PPP1R21: variants seen among roughly 807,000 people sequenced by gnomAD.
PPP1R21 encodes protein phosphatase 1 regulatory subunit 21, also known as KLRAQ motif containing 1.
PPP1R21 carries 85 observed loss-of-function variants against 112.8 expected under a neutral mutation model. The ratio of observed to expected loss-of-function variants is 0.75; its 90% CI spans 0.63 to 0.90. The LOEUF (loss-of-function observed/expected upper bound fraction) is 0.90, where lower values mean the gene tolerates loss of function less well. Among genes scored for constraint, PPP1R21 ranks in the 40% least tolerant of loss-of-function variants. PPP1R21 has a pLI of 0.00. For synonymous variants in PPP1R21, 381 were observed against 322.3 expected (o/e 1.18, Z -1.95); for missense variants, 1,199 against 901.5 (o/e 1.33, Z -4.23).
At chr2:48,508,365 G>C (rs764916392) in intron 19 of PPP1R21, among the ~76,000 whole-genome samples, 4 of 152,132 alleles carry the variant, frequency 2.6e-5, no homozygotes, top group African/African-American at 4.8e-5. Flanking sequence ...CTGACTTTTT[G>C]ATTTTCTCTT....
At position 48,489,055 on chromosome 2, in the gene PPP1R21, T is replaced by C. The variant is rs372735924; in HGVS notation, c.1447-1963T>C. Among the ~76,000 whole-genome samples, 14 of 152,316 alleles carry C rather than the reference T, an allele frequency of 9.2e-5. No individual in the cohort carries two copies. The East Asian group carries it at 2.1e-3, about 23-fold the overall frequency. ...TAGAATTTCATTTGATATAGTAAAA[T>C]ATCAGTGAAAAATATAACCTTTCAG... is the stretch of plus-strand genomic sequence containing the variant. On this transcript the variant is annotated intron_variant, in intron 14 of 21. Coordinates refer to ENST00000294952, the MANE Select transcript of PPP1R21 (RefSeq NM_001135629.3).
chr2:48,453,163 A>G (rs1473081553), intron 2 of PPP1R21, among the ~76,000 whole-genome samples: 1 of 152,124 alleles, frequency 6.6e-6, no homozygotes, highest in Non-Finnish European at 1.5e-5. Context: ...CATGTTGGCC[A>G]GGCCAGTTTC....
At chr2:48,465,257 A>T (rs180682406) in intron 8 of PPP1R21, among the ~76,000 whole-genome samples, 14 of 152,240 alleles carry the variant, frequency 9.2e-5, no homozygotes, top group African/African-American at 3.4e-4. Context: ...TTTTTTGTGG[A>T]TTGGTAGACC....
chr2:48,465,579 A>G lies in PPP1R21; in HGVS notation c.834A>G (p.Glu278=), dbSNP rs763021092. 1.2e-6 allele frequency: 2 copies of G among 1,613,998 alleles called. No individual in the cohort carries two copies. The highest frequency in any genetic ancestry group is 2.2e-5 in the East Asian group (1 of 44,868). ...TTCTAAACTTTCATACCTACACAGAACAGAGGATTCAAATTTTTCCTGTTG... is the reference window on the plus strand; with the variant it reads ...TTCTAAACTTTCATACCTACACAGAGCAGAGGATTCAAATTTTTCCTGTTG... ...TALLNFHTYT[E]QRIQIFPVDS... Residue 278 remains glutamate (E), a synonymous_variant, in exon 9 of 22, where the codon GAA becomes GAG. Coordinates refer to ENST00000294952, the MANE Select transcript of PPP1R21 (RefSeq NM_001135629.3).
At chr2:48,448,510 C>T (rs1291434038) in intron 1 of PPP1R21, among the ~76,000 whole-genome samples, 2 of 152,026 alleles carry the variant, frequency 1.3e-5, no homozygotes, top group South Asian at 2.1e-4. Context: ...TTGAAGTAGT[C>T]GTTAGGAGCT....
intron 7 of PPP1R21, among the ~76,000 whole-genome samples, chr2:48,464,380 A>G (rs1226111185): frequency 6.6e-6 from 1 of 151,910 alleles, no homozygotes; most frequent in Admixed American, 6.6e-5. Flanking sequence ...ATTAAGGAGG[A>G]GTTTGAGGAG....
intron 14 of PPP1R21, among the ~76,000 whole-genome samples, chr2:48,489,321 G>C (rs1165977424): frequency 6.7e-6 from 1 of 150,086 alleles, no homozygotes; most frequent in Non-Finnish European, 1.5e-5. Flanking sequence ...TGGGCAACAT[G>C]GCAAGACCTC....
At chr2:48,500,992 C>A (rs1330553499) in intron 17 of PPP1R21, among the ~76,000 whole-genome samples, 2 of 152,134 alleles carry the variant, frequency 1.3e-5, no homozygotes, top group East Asian at 3.8e-4. Context: ...GTCATGGTGA[C>A]CTTGAATGGT....
At chr2:48,492,552 T>C (rs1164172341) in intron 15 of PPP1R21, among the ~76,000 whole-genome samples, 1 of 152,244 alleles carries the variant, frequency 6.6e-6, no homozygotes, top group Non-Finnish European at 1.5e-5. Flanking sequence ...AATTCTACTT[T>C]TTTACTGTTA....
intron 21 of PPP1R21, 27 bp from the exon 22 acceptor site, chr2:48,514,688 T>G (rs756170093): frequency 1.3e-6 from 2 of 1,490,082 alleles, no homozygotes; most frequent in South Asian, 2.3e-5. Context: ...GTTTATGTTC[T>G]TATTGTTGAT....
intron 11 of PPP1R21, among the ~76,000 whole-genome samples, chr2:48,472,154 C>T (rs191722887): frequency 1.9e-3 from 251 of 134,910 alleles, no homozygotes; most frequent in South Asian, 4.6e-3. Context: ...GCAGGAGAAT[C>T]GCTCGAACCT....
intron 9 of PPP1R21, among the ~76,000 whole-genome samples, chr2:48,468,524 A>G (rs1215575723): frequency 1.3e-5 from 2 of 152,182 alleles, no homozygotes; most frequent in East Asian, 3.8e-4. Flanking sequence ...ATTAAAAAAT[A>G]TTTTCTGACC....
chr2:48,474,240 G>T (rs749067913), intron 11 of PPP1R21, among the ~76,000 whole-genome samples: 1 of 152,042 alleles, frequency 6.6e-6, no homozygotes, highest in East Asian at 1.9e-4. Flanking sequence ...AAAATTAGCC[G>T]GGCGTGGTGG....
At chr2:48,445,538 G>C (rs1405913553) in intron 1 of PPP1R21, among the ~76,000 whole-genome samples, 1 of 152,122 alleles carries the variant, frequency 6.6e-6, no homozygotes, top group Non-Finnish European at 1.5e-5. Context: ...CTGAGATTCT[G>C]CCTCCAGGTA....
intron 16 of PPP1R21, 51 bp downstream of exon 16, chr2:48,495,822 TC>T (rs754596432): frequency 9.4e-7 from 1 of 1,062,766 alleles, no homozygotes; most frequent in Non-Finnish European, 1.5e-6. Flanking sequence ...AAATGTTAAA[TC>T]CCCCATAGAA....
At chr2:48,482,932 C>G (rs1669090650) in intron 13 of PPP1R21, among the ~76,000 whole-genome samples, 1 of 152,090 alleles carries the variant, frequency 6.6e-6, no homozygotes, top group African/African-American at 2.4e-5. Flanking sequence ...GCTATCCCTC[C>G]TCCCATCCCC....
chr2:48,505,069 T>A (rs1184533435), intron 17 of PPP1R21, among the ~76,000 whole-genome samples: 2 of 152,230 alleles, frequency 1.3e-5, no homozygotes, highest in Non-Finnish European at 2.9e-5. Flanking sequence ...TTTCATTAAT[T>A]TAAATCTGAA....
At chr2:48,452,300 T>C (rs1324338420) in intron 2 of PPP1R21, among the ~76,000 whole-genome samples, 1 of 152,156 alleles carries the variant, frequency 6.6e-6, no homozygotes, top group Non-Finnish European at 1.5e-5. Context: ...GTTCTATTGA[T>C]TGAGCACTCA....
chr2:48,489,779 C>T (rs1397570770), intron 14 of PPP1R21, among the ~76,000 whole-genome samples: 2 of 151,856 alleles, frequency 1.3e-5, no homozygotes, highest in African/African-American at 2.4e-5. Context: ...GGTGTGGTGG[C>T]TCACGCCTGT....
Sources: gnomAD v4.1 joint callset for allele counts (sites outside exome capture counted in the v4.1 genomes callset) on GRCh38, gnomAD v4.1.1 for gene constraint, MANE v1.5 for transcripts, NCBI Gene and HGNC (gene_info 2026-07-23, HGNC 2026-07-21) for gene names.